Variants in ARMH3 observed in about 807,000 individuals in gnomAD.
ARMH3 encodes armadillo-like helical domain-containing protein 3.
A neutral mutation model predicts 99.1 loss-of-function variants in ARMH3; 60 were observed. That is an observed-to-expected ratio of 0.61 (90% confidence interval 0.49 to 0.75). The LOEUF is 0.75. Among genes scored for constraint, ARMH3 ranks in the 30% least tolerant of loss-of-function variants. The pLI, the probability that ARMH3 is intolerant of heterozygous loss-of-function variation, is 0.00. For missense variants in ARMH3, 679 were observed against 843.1 expected, an observed-to-expected ratio of 0.81 and a Z score of 2.41; for synonymous variants, 285 against 292.8, an observed-to-expected ratio of 0.97 and a Z score of 0.27.
chr10:101,950,931 T>C (rs955516118), intron 22 of ARMH3, among the ~76,000 whole-genome samples: 3 of 152,186 alleles, frequency 2.0e-5, no homozygotes, highest in African/African-American at 7.2e-5. Context: ...TATGCTTTAA[T>C]GGGCAGATTA....
chr10:101,847,685 TC>T, intron 25 of ARMH3, 65 bp from the exon 26 acceptor site: 6 of 1,463,126 alleles, frequency 4.1e-6, no homozygotes, highest in Non-Finnish European at 5.8e-6. Flanking sequence ...GAGAGTCAGT[TC>T]TAAACGGCAG....
At chr10:101,962,833 T>A (rs888749544) in intron 20 of ARMH3, among the ~76,000 whole-genome samples, 2 of 152,174 alleles carry the variant, frequency 1.3e-5, no homozygotes, top group Non-Finnish European at 2.9e-5. Flanking sequence ...TTGTTGGGGA[T>A]ACAGGAGCTA....
At chr10:101,926,122 C>G (rs964310314) in intron 23 of ARMH3, among the ~76,000 whole-genome samples, 1 of 152,090 alleles carries the variant, frequency 6.6e-6, no homozygotes, top group Admixed American at 6.5e-5. Context: ...GGGCAAGGCC[C>G]AATAGAAAAG....
intron 23 of ARMH3, among the ~76,000 whole-genome samples, chr10:101,894,570 TGGC>T (rs1452686737): frequency 1.3e-5 from 2 of 152,218 alleles, no homozygotes; most frequent in Non-Finnish European, 2.9e-5. Flanking sequence ...GACTAGCTCT[TGGC>T]GGGAGAAAGA....
intron 23 of ARMH3, among the ~76,000 whole-genome samples, chr10:101,928,721 T>C (rs2135652074): frequency 1.3e-5 from 2 of 152,262 alleles, no homozygotes; most frequent in Middle Eastern, 6.8e-3. Flanking sequence ...ATTTTGTTGT[T>C]GTTGTTGTTT....
intron 22 of ARMH3, among the ~76,000 whole-genome samples, chr10:101,946,251 A>G (rs893746772): frequency 6.6e-6 from 1 of 152,160 alleles, no homozygotes; most frequent in African/African-American, 2.4e-5. Context: ...AGCAGTTATC[A>G]TAACTATGCT....
intron 20 of ARMH3, among the ~76,000 whole-genome samples, chr10:101,960,754 G>T (rs1845259850): frequency 6.6e-6 from 1 of 152,012 alleles, no homozygotes; most frequent in African/African-American, 2.4e-5. Flanking sequence ...GCCAGGCACG[G>T]TGGCGGGCAC....
chr10:102,027,683 T>C (rs2067030735), intron 5 of ARMH3, among the ~76,000 whole-genome samples: 1 of 151,872 alleles, frequency 6.6e-6, no homozygotes, highest in Non-Finnish European at 1.5e-5. Context: ...ATACAAGCAG[T>C]AGTTAGAATT....
intron 1 of ARMH3, among the ~76,000 whole-genome samples, chr10:102,040,872 T>A (rs2067394577): frequency 6.6e-6 from 1 of 152,126 alleles, no homozygotes; most frequent in South Asian, 2.1e-4. Flanking sequence ...ATGTGCTTCA[T>A]TGATTTCCCC....
intron 8 of ARMH3, among the ~76,000 whole-genome samples, chr10:102,019,718 G>A (rs559365373): frequency 9.9e-5 from 15 of 151,828 alleles, no homozygotes; most frequent in African/African-American, 3.6e-4. Context: ...ACAAGGTCAG[G>A]AGATCGAGAC....
At chr10:101,967,053 A>C (rs1845573276) in intron 20 of ARMH3, among the ~76,000 whole-genome samples, 1 of 152,242 alleles carries the variant, frequency 6.6e-6, no homozygotes, top group South Asian at 2.1e-4. Context: ...CAGCTTTTAC[A>C]TGCTATGAAG....
At chr10:101,871,013 A>G (rs530037864) in intron 24 of ARMH3, among the ~76,000 whole-genome samples, 5 of 152,232 alleles carry the variant, frequency 3.3e-5, no homozygotes, top group South Asian at 2.1e-4. Flanking sequence ...AGGATGCAGG[A>G]AAAAAAAGTC....
intron 10 of ARMH3, among the ~76,000 whole-genome samples, chr10:102,012,281 C>G (rs1221340058): frequency 6.6e-6 from 1 of 152,166 alleles, no homozygotes; most frequent in Non-Finnish European, 1.5e-5. Flanking sequence ...ATTAGGGATA[C>G]TTCTGGTTTC....
intron 20 of ARMH3, among the ~76,000 whole-genome samples, chr10:101,970,898 T>C (rs1478756197): frequency 2.0e-5 from 3 of 151,716 alleles, no homozygotes; most frequent in Admixed American, 2.0e-4. Context: ...GGAACTTTTT[T>C]GAGAGGAAAT....
In ARMH3 at chr10:102,033,272, C is replaced by G; in HGVS notation, c.159+11G>C. 1 of 1,614,086 alleles carries G rather than the reference C, an allele frequency of 6.2e-7. No homozygotes were observed. The highest frequency in any genetic ancestry group is 1.3e-5 in the African/African-American group (1 of 75,030). On this transcript the variant is annotated intron_variant, in intron 3 of 25. Transcript: ENST00000370033. Reference sequence around the variant, plus strand: ...TTACCAGGAAATTCCACAGATGCCACCAACTCTTACCTTCATGAGAAAGAG... The same window carrying G: ...TTACCAGGAAATTCCACAGATGCCAGCAACTCTTACCTTCATGAGAAAGAG...
intron 23 of ARMH3, among the ~76,000 whole-genome samples, chr10:101,915,801 T>TC (rs1843058019): frequency 8.2e-6 from 1 of 122,446 alleles, no homozygotes; most frequent in South Asian, 2.6e-4. Context: ...TTGCAAGTCC[T>TC]TTTTTTTTTT....
chr10:101,921,438 G>A (rs1178576010), intron 23 of ARMH3, among the ~76,000 whole-genome samples: 1 of 152,128 alleles, frequency 6.6e-6, no homozygotes, highest in African/African-American at 2.4e-5. Context: ...GATTTACATA[G>A]GTGGTATACA....
chr10:101,944,148 G>T (rs2135734767), intron 22 of ARMH3, among the ~76,000 whole-genome samples: 1 of 144,618 alleles, frequency 6.9e-6, no homozygotes, highest in Admixed American at 6.9e-5. Context: ...GGAAAGAAAT[G>T]GAAATATTAA....
At chr10:102,027,506 G>C (rs1253477464) in intron 5 of ARMH3, among the ~76,000 whole-genome samples, 1 of 152,010 alleles carries the variant, frequency 6.6e-6, no homozygotes, top group Non-Finnish European at 1.5e-5. Flanking sequence ...GAATGAATGA[G>C]GAAGAAGAGA....
Sources: allele counts gnomAD v4.1 joint callset (sites outside exome capture counted in the v4.1 genomes callset), GRCh38; gene constraint gnomAD v4.1.1; transcripts MANE v1.5; gene names NCBI Gene and HGNC (gene_info 2026-07-23, HGNC 2026-07-21).